Variants in NLRX1 observed in about 807,000 individuals in gnomAD.
NLRX1 encodes the protein NOD-like receptor X1.
Under a neutral mutation model 74.2 loss-of-function variants are expected in NLRX1, and 67 were observed. The ratio of observed to expected loss-of-function variants is 0.90; its 90% CI spans 0.74 to 1.11. NLRX1 has a LOEUF of 1.11. Among genes scored for constraint, NLRX1 ranks in the 50% least tolerant of loss-of-function variants. NLRX1 has a pLI of 0.00. For synonymous variants in NLRX1, 506 were observed against 559.1 expected, an observed-to-expected ratio of 0.91 and a Z score of 1.34; for missense variants, 1,191 against 1,305.4, an observed-to-expected ratio of 0.91 and a Z score of 1.35.
At chr11:119,172,577 G>T in intron 3 of NLRX1, 152 bp downstream of exon 3, 1 of 664,732 alleles carries the variant, frequency 1.5e-6, no homozygotes. Flanking sequence ...TCCAAGGCCT[G>T]AGAGGAAGTT....
chr11:119,182,497 C>A, intron 9 of NLRX1, 152 bp downstream of exon 9: 1 of 1,081,388 alleles, frequency 9.2e-7, no homozygotes, highest in Non-Finnish European at 1.3e-6. Flanking sequence ...CAACCTAGCT[C>A]TGAGCCAACC....
In NLRX1 at chr11:119,173,803, A is replaced by G. The variant is rs1948616007; in HGVS notation, c.554A>G (p.Tyr185Cys). The G allele has an allele frequency of 6.2e-7, 1 of 1,613,588 alleles. No individual in the cohort carries two copies. The highest frequency in any genetic ancestry group is 1.6e-4 in the Middle Eastern group (1 of 6,062). ...CGCAAGATGGTTCTGGACTGGTGTT[A>G]TGGGCGGCTGCCGGCCTTCGAGCTG... ...LVRKMVLDWC[Y>C]GRLPAFELLI... The change falls in exon 5 of 10, where the codon TAT (tyrosine) becomes TGT (cysteine). Residue 185 changes from tyrosine (Y) to cysteine (C), a missense_variant. Transcript: ENST00000409109. The surrounding 1 kb of genome is among the most constrained non-coding windows in gnomAD (Gnocchi z 4.0).
chr11:119,175,281 T>G lies in NLRX1; in HGVS notation c.1671+7T>G. On this transcript the variant is annotated splice_region_variant and intron_variant, in intron 6 of 9. Transcript: ENST00000409109. Reference sequence around the variant, plus strand: ...GCTCTTCAACCTGATCAAGGTAACATCCCGATCAAGGTAACCCCCCAACCT... The same window carrying G: ...GCTCTTCAACCTGATCAAGGTAACAGCCCGATCAAGGTAACCCCCCAACCT... 6.2e-7 allele frequency: 1 copy of G among 1,607,988 alleles called. No individual in the cohort carries two copies. The highest frequency in any genetic ancestry group is 8.5e-7 in the Non-Finnish European group (1 of 1,175,906).
rs756237650 is a variant in NLRX1, at chr11:119,181,256, C to T, written c.2353C>T (p.Arg785Trp). 40 of 1,612,242 alleles carry T rather than the reference C, an allele frequency of 2.5e-5. No individual in the cohort carries two copies. The highest frequency in any genetic ancestry group is 8.9e-5 in the East Asian group (4 of 44,858). ...LHDQCQITTL[R>W]LSNNPLTAAG... Reference sequence around the variant, plus strand: ...TGACCAGTGCCAAATTACCACACTGCGGTGAGTGACCTGGGAGTGGGGCAT... The same window carrying T: ...TGACCAGTGCCAAATTACCACACTGTGGTGAGTGACCTGGGAGTGGGGCAT... Residue 785 changes from arginine (R) to tryptophan (W), a missense_variant and splice_region_variant, in exon 8 of 10, where the codon CGG becomes TGG. Transcript: ENST00000409109.
intron 6 of NLRX1, among the ~76,000 whole-genome samples, chr11:119,176,105 A>C (rs1444594033): frequency 6.6e-6 from 1 of 152,192 alleles, no homozygotes; most frequent in African/African-American, 2.4e-5. Context: ...ATACTGGTGC[A>C]TTACGGATAT....
At chr11:119,176,049 G>A (rs2135173783) in intron 6 of NLRX1, among the ~76,000 whole-genome samples, 1 of 152,278 alleles carries the variant, frequency 6.6e-6, no homozygotes, top group South Asian at 2.1e-4. Flanking sequence ...AAGTTTAAAA[G>A]CCCAGGGCTT....
In NLRX1 at chr11:119,183,382, G is replaced by T. The variant is rs777816466; in HGVS notation, c.2871G>T (p.Leu957=). 2.4e-5 allele frequency: 39 copies of T among 1,614,030 alleles called. No homozygotes were observed. The South Asian group carries it at 4.0e-4, about 16-fold the overall frequency. The change falls in exon 10 of 10, where the codon CTG becomes CTT. Residue 957 remains leucine (L), a synonymous_variant. Coordinates refer to ENST00000409109, the MANE Select transcript of NLRX1 (RefSeq NM_001282144.2). The surrounding 1 kb of genome is among the most constrained non-coding windows in gnomAD (Gnocchi z 5.7). ...ATCCTTGGCGCAAGGCCCAGCTGCT[G>T]CGAGTGGAGGGCGAGGTCAGGGCCC... ...TLNPWRKAQL[L]RVEGEVRALL...
At position 119,175,018 on chromosome 11, in the gene NLRX1, A is replaced by T; in HGVS notation, c.1415A>T (p.Asp472Val). 6.2e-7 allele frequency: 1 copy of T among 1,614,124 alleles called. No homozygotes were observed. Among genetic ancestry groups the T allele is most frequent in the Non-Finnish European group, 8.5e-7 (1 of 1,180,048 alleles). The stretch of plus-strand genomic sequence containing the variant: ...CAGCTGCTGCACATCTTCCGTCGGG[A>T]TGCCCTGAGGTTTTTCCTGGCCCCA... ...EFQLLHIFRR[D>V]ALRFFLAPCV... The change falls in exon 6 of 10, where the codon GAT (aspartate) becomes GTT (valine). Residue 472 changes from aspartate (D) to valine (V), a missense_variant. Coordinates refer to ENST00000409109, the MANE Select transcript of NLRX1 (RefSeq NM_001282144.2).
Position 119,174,653 on chromosome 11 carries a change from G to C in NLRX1, c.1050G>C (p.Leu350=), listed in dbSNP as rs762237968. The C allele has an allele frequency of 1.2e-6, 2 of 1,614,022 alleles. No homozygotes were observed. The highest frequency in any genetic ancestry group is 1.7e-6 in the Non-Finnish European group (2 of 1,180,036). Residue 350 remains leucine (L), a synonymous_variant, in exon 6 of 10, where the codon CTG becomes CTC. Coordinates refer to ENST00000409109, the MANE Select transcript of NLRX1 (RefSeq NM_001282144.2). ...CCACACCAGCTCAGCGTGACCACCT[G>C]GTGCAGATGCTCTCCCGGAACCTGG... ...VSATPAQRDH[L]VQMLSRNLEG...
Position 119,176,602 on chromosome 11 carries a change from G to A in NLRX1, c.1671+1328G>A, listed in dbSNP as rs983916669. The stretch of plus-strand genomic sequence containing the variant: ...CTTGGGAGGCTGAGACGGGAGAATT[G>A]CTTGAGCCTGGGAGGCAGAGGTTGC... On this transcript the variant is annotated intron_variant, in intron 6 of 9. Transcript: ENST00000409109. Among the ~76,000 whole-genome samples the A allele has an allele frequency of 1.2e-4, 18 of 152,024 alleles. 1 individual carries two copies. The highest frequency in any genetic ancestry group is 6.3e-3 in the Middle Eastern group (2 of 316).
At chr11:119,180,313 G>A (rs762165106) in intron 7 of NLRX1, 25 bp downstream of exon 7, 3 of 1,521,786 alleles carry the variant, frequency 2.0e-6, no homozygotes, top group African/African-American at 2.7e-5. Context: ...TCATGCACAG[G>A]CATGAAGAGG....
At chr11:119,169,983 G>A (rs888334156) in intron 1 of NLRX1, among the ~76,000 whole-genome samples, 2 of 112,254 alleles carry the variant, frequency 1.8e-5, no homozygotes, top group Non-Finnish European at 3.3e-5. Flanking sequence ...GCAACAGAGC[G>A]AGAGACCCTG....
At chr11:119,176,260 T>G (rs570230102) in intron 6 of NLRX1, among the ~76,000 whole-genome samples, 1 of 152,292 alleles carries the variant, frequency 6.6e-6, no homozygotes, top group Admixed American at 6.5e-5. Flanking sequence ...TTATTTTTAT[T>G]TTTTGAGACA....
In NLRX1 at chr11:119,174,883, G is replaced by A. The variant is rs1361364154; in HGVS notation, c.1280G>A (p.Arg427Gln). Reference protein sequence around the residue: ...SNLSLMAYAARTMGKLAYEGV... With the variant: ...SNLSLMAYAAQTMGKLAYEGV... ...TTGTCCCTGATGGCCTATGCAGCCC[G>A]AACCATGGGCAAGTTGGCCTATGAG... Residue 427 changes from arginine to glutamine, a missense_variant, in exon 6 of 10, where the codon CGA (arginine) becomes CAA (glutamine). Arg to Gln is a conservative substitution (Grantham distance 43, BLOSUM62 1). Transcript: ENST00000409109. 7.4e-6 allele frequency: 12 copies of A among 1,614,056 alleles called. No individual in the cohort carries two copies. The highest frequency in any genetic ancestry group is 2.2e-5 in the East Asian group (1 of 44,884).
chr11:119,175,656 G>C (rs537729523), intron 6 of NLRX1, among the ~76,000 whole-genome samples: 4 of 152,334 alleles, frequency 2.6e-5, no homozygotes, highest in African/African-American at 9.6e-5. Context: ...TGCTCCTCCA[G>C]AGGTGATTAG....
Position 119,179,937 on chromosome 11 carries a change from T to A in NLRX1, c.1916T>A (p.Leu639Gln), listed in dbSNP as rs371254753. The A allele has an allele frequency of 3.1e-6, 5 of 1,613,334 alleles. No individual in the cohort carries two copies. Among genetic ancestry groups the A allele is most frequent in the Non-Finnish European group, 1.7e-6 (2 of 1,179,512 alleles). ...GLLSAHNRAV[L>Q]AQLGCPIKNL... ...CTCTCTGCCCACAACCGAGCTGTGCTAGCTCAGCTTGGCTGCCCCATCAAG... is the reference window on the plus strand; with the variant it reads ...CTCTCTGCCCACAACCGAGCTGTGCAAGCTCAGCTTGGCTGCCCCATCAAG... The change falls in exon 7 of 10, where the codon CTA becomes CAA. Residue 639 changes from leucine (L) to glutamine (Q), a missense_variant. Transcript: ENST00000409109.
chr11:119,176,697 A>G (rs1948712285), intron 6 of NLRX1, among the ~76,000 whole-genome samples: 1 of 152,102 alleles, frequency 6.6e-6, no homozygotes, highest in Admixed American at 6.5e-5. Context: ...ATAAAAAAAT[A>G]ATAATAACAA....
chr11:119,181,335 C>T (rs995586751), intron 8 of NLRX1, 78 bp downstream of exon 8: 6 of 1,095,068 alleles, frequency 5.5e-6, no homozygotes, highest in South Asian at 1.3e-5. Flanking sequence ...ACATACTTGG[C>T]ACAGACCCAC....
In NLRX1 at chr11:119,179,746, T is replaced by A; in HGVS notation, c.1725T>A (p.Ala575=). 1 of 1,612,466 alleles carries A rather than the reference T, an allele frequency of 6.2e-7. No individual in the cohort carries two copies. The highest frequency in any genetic ancestry group is 1.7e-5 in the Admixed American group (1 of 59,796). Residue 575 remains alanine, a synonymous_variant, in exon 7 of 10, where the codon GCT becomes GCA. Coordinates refer to ENST00000409109, the MANE Select transcript of NLRX1 (RefSeq NM_001282144.2). ...RMVGKSREAV[A]QAMVLEMFRE... Reference sequence around the variant, plus strand: ...TGGGTAAAAGCCGGGAGGCGGTGGCTCAGGCCATGGTGCTGGAGATGTTTC... The same window carrying A: ...TGGGTAAAAGCCGGGAGGCGGTGGCACAGGCCATGGTGCTGGAGATGTTTC...
Sources: allele counts gnomAD v4.1 joint callset (sites outside exome capture counted in the v4.1 genomes callset), GRCh38; gene constraint gnomAD v4.1.1; non-coding constraint Gnocchi (gnomAD v3.1); transcripts MANE v1.5; gene names NCBI Gene and HGNC (gene_info 2026-07-23, HGNC 2026-07-21).